Variants in RALGAPA1 observed in about 807,000 individuals in gnomAD.
RALGAPA1 encodes the protein ral GTPase-activating protein subunit alpha-1.
RALGAPA1 carries 52 observed loss-of-function variants against 269.6 expected under a neutral mutation model. The ratio of observed to expected loss-of-function variants is 0.19; its 90% CI spans 0.15 to 0.24. The LOEUF is 0.24. RALGAPA1 is among the 10% of genes least tolerant of loss of function. The pLI is 1.00. For missense variants in RALGAPA1, 1,917 were observed against 3,013.9 expected (o/e 0.64, Z 8.52); for synonymous variants, 817 against 1,008.3 (o/e 0.81, Z 3.60).
chr14:35,775,771 T>C, intron 1 of RALGAPA1, 26 bp from the exon 2 acceptor site: 1 of 1,517,234 alleles, frequency 6.6e-7, no homozygotes, highest in African/African-American at 1.4e-5. Context: ...AAATTACTGA[T>C]TATTTACATG....
At chr14:35,669,675 CT>C (rs2064237030) in intron 26 of RALGAPA1, among the ~76,000 whole-genome samples, 1 of 152,200 alleles carries the variant, frequency 6.6e-6, no homozygotes, top group South Asian at 2.1e-4. Flanking sequence ...CTAGACAATG[CT>C]TTTAACTACT....
chr14:35,776,179 G>T (rs527387616), intron 1 of RALGAPA1, among the ~76,000 whole-genome samples: 1 of 152,058 alleles, frequency 6.6e-6, no homozygotes, highest in Non-Finnish European at 1.5e-5. Flanking sequence ...TCAGGAGTTC[G>T]AAACCAGCCT....
chr14:35,608,337 A>AC (rs1409056926), intron 35 of RALGAPA1, among the ~76,000 whole-genome samples: 1 of 152,144 alleles, frequency 6.6e-6, no homozygotes, highest in Non-Finnish European at 1.5e-5. Flanking sequence ...CCCAGGGAAG[A>AC]CCCCTCATTA....
At chr14:35,619,179 C>G (rs2060446246) in intron 35 of RALGAPA1, among the ~76,000 whole-genome samples, 1 of 151,506 alleles carries the variant, frequency 6.6e-6, no homozygotes. Flanking sequence ...ACAAATCTAA[C>G]CAGAAGACTG....
Position 35,664,711 on chromosome 14 carries a change from T to G in RALGAPA1, c.5259A>C (p.Leu1753Phe). The G allele has an allele frequency of 6.2e-7, 1 of 1,612,984 alleles. No individual in the cohort carries two copies. The highest frequency in any genetic ancestry group is 8.5e-7 in the Non-Finnish European group (1 of 1,179,364). Residue 1753 changes from leucine (L) to phenylalanine (F), a missense_variant, in exon 27 of 42, where the codon TTA becomes TTC. This residue lies in a region of RALGAPA1 where 346 missense variants were observed against 566.1 expected (regional missense o/e 0.61). Coordinates refer to ENST00000680220, the MANE Select transcript of RALGAPA1 (RefSeq NM_001346249.2). ...LLGSLVCFPN[L>F]YCELPSLHPN... Reference sequence around the variant, plus strand: ...GATGAAGAGAAGGCAGTTCACAATATAAGTTGGGAAAGCAAACCAAAGATC... The same window carrying G: ...GATGAAGAGAAGGCAGTTCACAATAGAAGTTGGGAAAGCAAACCAAAGATC...
chr14:35,570,210 C>T (rs991316431), intron 39 of RALGAPA1, among the ~76,000 whole-genome samples: 6 of 149,178 alleles, frequency 4.0e-5, no homozygotes, highest in Non-Finnish European at 7.4e-5. Context: ...TCGGAGGTTG[C>T]AGTGAGCTGA....
intron 1 of RALGAPA1, among the ~76,000 whole-genome samples, chr14:35,782,151 A>C (rs999273727): frequency 1.3e-5 from 2 of 152,236 alleles, no homozygotes; most frequent in African/African-American, 4.8e-5. Flanking sequence ...AAGATTAATA[A>C]GAAAAATCAA....
intron 31 of RALGAPA1, among the ~76,000 whole-genome samples, chr14:35,635,884 T>G (rs76038841): frequency 0.025 from 3,784 of 152,176 alleles, 154 homozygotes; most frequent in African/African-American, 0.086. Flanking sequence ...ACAACACATA[T>G]CAATTAACTA....
chr14:35,690,738 G>T (rs1310660437), intron 17 of RALGAPA1, among the ~76,000 whole-genome samples: 3 of 152,084 alleles, frequency 2.0e-5, no homozygotes, highest in Non-Finnish European at 4.4e-5. Flanking sequence ...CAGCCATCAA[G>T]CTCTAAAAAC....
chr14:35,689,105 T>C lies in RALGAPA1; in HGVS notation c.3306A>G (p.Lys1102=). ...ITVPHVMRAK[K]ATLKAPVNRR... ...GGTTAACAGGTGCTTTTAGTGTTGC[T>C]TTCTTGGCACGCATAACATGTGGGA... The change falls in exon 18 of 42, where the codon AAA becomes AAG. Residue 1102 remains lysine, a synonymous_variant. Coordinates refer to ENST00000680220, the MANE Select transcript of RALGAPA1 (RefSeq NM_001346249.2). 17 of 1,235,854 alleles carry C rather than the reference T, an allele frequency of 1.4e-5. No homozygotes were observed. The highest frequency in any genetic ancestry group is 1.6e-5 in the Non-Finnish European group (16 of 990,242). 76.6% of individuals were successfully genotyped at this position (1,235,854 alleles called of 1,614,324 possible).
intron 33 of RALGAPA1, among the ~76,000 whole-genome samples, chr14:35,633,794 T>G (rs1413019178): frequency 2.6e-5 from 4 of 152,164 alleles, no homozygotes; most frequent in Admixed American, 1.3e-4. Flanking sequence ...ATATCTTATA[T>G]ATACTTCTAT....
intron 1 of RALGAPA1, among the ~76,000 whole-genome samples, chr14:35,789,383 C>T (rs555201396): frequency 6.6e-6 from 1 of 151,706 alleles, no homozygotes; most frequent in Non-Finnish European, 1.5e-5. Flanking sequence ...CACTTGAGGT[C>T]AGGAGTTCAA....
At chr14:35,762,827 A>G (rs953462266) in intron 4 of RALGAPA1, 74 bp from the exon 5 acceptor site, 77 of 909,570 alleles carry the variant, frequency 8.5e-5, no homozygotes, top group Non-Finnish European at 1.2e-4. Flanking sequence ...GTCGGACTTG[A>G]AAACACTTTT....
intron 13 of RALGAPA1, among the ~76,000 whole-genome samples, chr14:35,727,783 T>C (rs950648409): frequency 2.0e-5 from 3 of 152,098 alleles, no homozygotes; most frequent in Admixed American, 6.6e-5. Context: ...AGTAAGGATA[T>C]GTAGAAACAG....
chr14:35,669,535 T>C (rs2064226926), intron 26 of RALGAPA1, among the ~76,000 whole-genome samples: 1 of 152,194 alleles, frequency 6.6e-6, no homozygotes, highest in African/African-American at 2.4e-5. Context: ...AGTACAGGTG[T>C]GAACCACCAT....
chr14:35,777,767 T>A (rs2075143577), intron 1 of RALGAPA1, among the ~76,000 whole-genome samples: 1 of 152,060 alleles, frequency 6.6e-6, no homozygotes, highest in South Asian at 2.1e-4. Flanking sequence ...CTCACTATGT[T>A]GGCCAGCCTG....
chr14:35,678,349 A>G (rs1170647646), intron 21 of RALGAPA1, among the ~76,000 whole-genome samples: 1 of 152,220 alleles, frequency 6.6e-6, no homozygotes, highest in African/African-American at 2.4e-5. Context: ...GACAGGAGCC[A>G]TTAGTGAAAC....
chr14:35,750,663 T>A lies in RALGAPA1; in HGVS notation c.830A>T (p.His277Leu). 3 of 1,613,130 alleles carry A rather than the reference T, an allele frequency of 1.9e-6. No homozygotes were observed. The highest frequency in any genetic ancestry group is 2.5e-6 in the Non-Finnish European group (3 of 1,179,448). Reference protein sequence around the residue: ...LDIPQMRPKPHYVVIKKDAET... With the variant: ...LDIPQMRPKPLYVVIKKDAET... Reference sequence around the variant, plus strand: ...AGCATCTTTCTTTATCACGACATAATGTGGCTTTGGTCTCATCTGCGGGAT... The same window carrying A: ...AGCATCTTTCTTTATCACGACATAAAGTGGCTTTGGTCTCATCTGCGGGAT... The change falls in exon 9 of 42, where the codon CAT (histidine) becomes CTT (leucine). Residue 277 changes from histidine to leucine, a missense_variant. Around this residue, in one of 11 missense-constraint regions of RALGAPA1, gnomAD observed 462 missense variants for 725.6 expected, o/e 0.64. Transcript: ENST00000680220.
chr14:35,600,030 C>T (rs1028133456), intron 36 of RALGAPA1, among the ~76,000 whole-genome samples: 1 of 151,944 alleles, frequency 6.6e-6, no homozygotes, highest in Non-Finnish European at 1.5e-5. Context: ...ATGTCTCTCA[C>T]CAAATTTAGG....
Sources: allele counts gnomAD v4.1 joint callset (sites outside exome capture counted in the v4.1 genomes callset), GRCh38; gene constraint gnomAD v4.1.1; regional missense constraint gnomAD v4.1.1; transcripts MANE v1.5; gene names NCBI Gene and HGNC (gene_info 2026-07-23, HGNC 2026-07-21).